The following SDK1 variants were observed in gnomAD, a reference collection of about 807,000 sequenced individuals.
SDK1 encodes sidekick cell adhesion molecule 1, also known as protein sidekick-1.
In SDK1, 157 loss-of-function variants were observed where a neutral mutation model predicts 245.5. The observed-to-expected ratio is 0.64, with a 90% CI of 0.56 to 0.73. The LOEUF (loss-of-function observed/expected upper bound fraction) is 0.73. Among genes scored for constraint, SDK1 ranks in the 30% least tolerant of loss-of-function variants. The probability of loss-of-function intolerance (pLI) is 0.00; values close to 1 mark genes in which losing one functional copy is unlikely to be tolerated. For synonymous variants in SDK1, 1,647 were observed against 1,278.5 expected, an observed-to-expected ratio of 1.29 and a Z score of -6.15; for missense variants, 3,583 against 3,002.3, an observed-to-expected ratio of 1.19 and a Z score of -4.52.
chr7:3,675,705 T>C (rs915464469), intron 4 of SDK1, among the ~76,000 whole-genome samples: 10 of 152,246 alleles, frequency 6.6e-5, no homozygotes, highest in African/African-American at 1.9e-4. Context: ...ACTACAGGCA[T>C]TTTTGTAGAA....
At chr7:3,766,438 C>T (rs1271287029) in intron 4 of SDK1, among the ~76,000 whole-genome samples, 1 of 152,116 alleles carries the variant, frequency 6.6e-6, no homozygotes, top group Non-Finnish European at 1.5e-5. Context: ...AATCCAGCTC[C>T]CCTACACCAG....
chr7:3,903,476 G>A (rs1226381387), intron 5 of SDK1, among the ~76,000 whole-genome samples: 1 of 152,084 alleles, frequency 6.6e-6, no homozygotes, highest in Non-Finnish European at 1.5e-5. Context: ...AAAATTGGAA[G>A]TGTTGGCAAG....
In SDK1 at chr7:3,638,282, G is replaced by A. The variant is rs1319303083; in HGVS notation, c.459-722G>A. 3.9e-5 allele frequency among the ~76,000 whole-genome samples: 6 copies of A among 152,230 alleles called. No homozygotes were observed. In the East Asian group the frequency reaches 1.2e-3, roughly 29 times the overall value. ...CATTTGACCCAGCCATCCCATTACTGGGTATATACCCAAAGGATTATAAAT... is the reference window on the plus strand; with the variant it reads ...CATTTGACCCAGCCATCCCATTACTAGGTATATACCCAAAGGATTATAAAT... On this transcript the variant is annotated intron_variant, in intron 2 of 44. Coordinates refer to ENST00000404826, the MANE Select transcript of SDK1 (RefSeq NM_152744.4).
At chr7:3,775,565 CT>C (rs200756787) in intron 4 of SDK1, among the ~76,000 whole-genome samples, 7 of 148,330 alleles carry the variant, frequency 4.7e-5, no homozygotes, top group Admixed American at 1.3e-4. Flanking sequence ...ATTAGTACCT[CT>C]TTTTTTTTCT....
chr7:3,920,746 CTA>C (rs1435937665), intron 5 of SDK1, among the ~76,000 whole-genome samples: 2 of 149,898 alleles, frequency 1.3e-5, no homozygotes, highest in Admixed American at 1.3e-4. Flanking sequence ...TAAAGGGAGA[CTA>C]TGCAGAGGGG....
chr7:3,560,391 G>C (rs1779710182), intron 1 of SDK1, among the ~76,000 whole-genome samples: 1 of 151,302 alleles, frequency 6.6e-6, no homozygotes. Flanking sequence ...AGTTGATTGA[G>C]AAAAAAAATT....
intron 14 of SDK1, among the ~76,000 whole-genome samples, chr7:3,993,365 T>C (rs1784485847): frequency 6.6e-6 from 1 of 152,184 alleles, no homozygotes; most frequent in African/African-American, 2.4e-5. Flanking sequence ...GATTTTTTTT[T>C]CAACCTTAAC....
At chr7:3,796,334 T>C (rs559889741) in intron 4 of SDK1, among the ~76,000 whole-genome samples, 1 of 152,338 alleles carries the variant, frequency 6.6e-6, no homozygotes, top group Non-Finnish European at 1.5e-5. Flanking sequence ...GAGGTTTCTT[T>C]GGCTGTGAAA....
chr7:3,416,904 G>A (rs185371069), intron 1 of SDK1, among the ~76,000 whole-genome samples: 2 of 152,274 alleles, frequency 1.3e-5, no homozygotes, highest in East Asian at 3.9e-4. Flanking sequence ...CGGGCACGGT[G>A]GCTCATGCCT....
chr7:4,191,853 C>T (rs10265571), intron 35 of SDK1, among the ~76,000 whole-genome samples: 4,684 of 152,312 alleles, frequency 0.031, 218 homozygotes, highest in African/African-American at 0.098. Context: ...CAGACCACCC[C>T]TCCCAGGGCC....
intron 17 of SDK1, among the ~76,000 whole-genome samples, chr7:4,024,269 G>C (rs1165460258): frequency 6.6e-6 from 1 of 152,186 alleles, no homozygotes; most frequent in Non-Finnish European, 1.5e-5. Flanking sequence ...GTTTTCTAAA[G>C]TAAGGATTAT....
intron 21 of SDK1, 103 bp from the exon 22 acceptor site, chr7:4,079,360 A>G: frequency 1.5e-6 from 2 of 1,364,882 alleles, no homozygotes; most frequent in Non-Finnish European, 2.0e-6. Context: ...TTTGGTATAG[A>G]ATCGTTTTGA....
chr7:3,504,196 G>GTGTGTGTGTGTGTGTGTGTGTGTC (rs1782314085), intron 1 of SDK1, among the ~76,000 whole-genome samples: 1 of 150,864 alleles, frequency 6.6e-6, no homozygotes, highest in Non-Finnish European at 1.5e-5. Flanking sequence ...GTGTGTGTGT[G>GTGTGTGTGTGTGTGTGTGTGTGTC]TGTGTGTGTG....
intron 1 of SDK1, among the ~76,000 whole-genome samples, chr7:3,366,326 G>T (rs1040470620): frequency 6.6e-6 from 1 of 151,440 alleles, no homozygotes; most frequent in African/African-American, 2.4e-5. Flanking sequence ...CAATGTAGTA[G>T]TCTATGGTCT....
intron 4 of SDK1, among the ~76,000 whole-genome samples, chr7:3,712,450 T>C (rs1416234676): frequency 6.6e-6 from 1 of 152,222 alleles, no homozygotes; most frequent in Non-Finnish European, 1.5e-5. Flanking sequence ...TTTCATTATG[T>C]ATTACAGTGT....
chr7:3,990,428 A>C (rs992527030), intron 14 of SDK1, among the ~76,000 whole-genome samples: 13 of 152,112 alleles, frequency 8.5e-5, no homozygotes, highest in African/African-American at 3.1e-4. Flanking sequence ...CTTCCATTCA[A>C]CGGCTCTGAC....
intron 1 of SDK1, among the ~76,000 whole-genome samples, chr7:3,593,649 AAGCTTCAATCAACTG>A (rs1221957496): frequency 6.6e-6 from 1 of 152,178 alleles, no homozygotes; most frequent in Non-Finnish European, 1.5e-5. Flanking sequence ...ATGTATATGC[AAGCTTCAATCAACTG>A]ATGGATGATT....
intron 2 of SDK1, among the ~76,000 whole-genome samples, chr7:3,634,043 C>G (rs980849417): frequency 6.6e-6 from 1 of 152,166 alleles, no homozygotes; most frequent in Non-Finnish European, 1.5e-5. Context: ...GCATCACCAA[C>G]CCCAGATTTA....
At chr7:3,839,119 G>T (rs745652726) in intron 5 of SDK1, among the ~76,000 whole-genome samples, 1 of 152,146 alleles carries the variant, frequency 6.6e-6, no homozygotes, top group Non-Finnish European at 1.5e-5. Flanking sequence ...TCCTGGGATG[G>T]ATCCGCCTGA....
Sources: allele counts gnomAD v4.1 joint callset (sites outside exome capture counted in the v4.1 genomes callset), GRCh38; gene constraint gnomAD v4.1.1; transcripts MANE v1.5; gene names NCBI Gene and HGNC (gene_info 2026-07-23, HGNC 2026-07-21).